IQGAP1: variants seen among roughly 807,000 people sequenced by gnomAD.
IQGAP1 encodes ras GTPase-activating-like protein IQGAP1.
Under a neutral mutation model 215.6 loss-of-function variants are expected in IQGAP1, and 66 were observed. The observed-to-expected ratio is 0.31, with a 90% CI of 0.25 to 0.38. The LOEUF is 0.38. Ranked by LOEUF, IQGAP1 falls within the 10% of genes least tolerant of loss-of-function variation. IQGAP1 has a pLI of 1.00. For missense variants in IQGAP1, 1,712 were observed against 1,997.1 expected, an observed-to-expected ratio of 0.86 and a Z score of 2.72; for synonymous variants, 772 against 728.7, an observed-to-expected ratio of 1.06 and a Z score of -0.96.
At chr15:90,415,174 G>A (rs1405787261) in intron 2 of IQGAP1, among the ~76,000 whole-genome samples, 4 of 152,138 alleles carry the variant, frequency 2.6e-5, no homozygotes, top group South Asian at 2.1e-4. Context: ...TCTTTGGTTA[G>A]TAGTAAGATT....
rs141291694 is a variant in IQGAP1, at chr15:90,486,095, C to T, written c.3987C>T (p.Asp1329=). The part of the protein sequence containing the change: ...EHNDPIHELL[D]DLGEVPTIES... The stretch of plus-strand genomic sequence containing the variant: ...ATGATCCAATCCACGAACTGCTGGA[C>T]GACCTCGGCGAGGTGCCCACCATCG... The change falls in exon 31 of 38, where the codon GAC becomes GAT. Residue 1329 remains aspartate (D), a synonymous_variant. Coordinates refer to ENST00000268182, the MANE Select transcript of IQGAP1 (RefSeq NM_003870.4). 29 of 1,613,712 alleles carry T rather than the reference C, an allele frequency of 1.8e-5. No homozygotes were observed. Among genetic ancestry groups the T allele is most frequent in the South Asian group, 4.4e-5 (4 of 90,984 alleles).
intron 33 of IQGAP1, among the ~76,000 whole-genome samples, chr15:90,489,682 A>G (rs959770582): frequency 2.0e-5 from 3 of 152,214 alleles, no homozygotes; most frequent in African/African-American, 7.2e-5. Context: ...CATTGTTTTC[A>G]ATGAAGTCTC....
intron 3 of IQGAP1, 120 bp from the exon 4 acceptor site, chr15:90,429,469 A>G (rs1232585327): frequency 6.0e-6 from 4 of 665,332 alleles, no homozygotes; most frequent in African/African-American, 5.5e-5. Flanking sequence ...TGTGAGCATA[A>G]TGACATCAAA....
chr15:90,426,979 A>G (rs1400622808), intron 3 of IQGAP1, among the ~76,000 whole-genome samples: 1 of 151,218 alleles, frequency 6.6e-6, no homozygotes, highest in Non-Finnish European at 1.5e-5. Context: ...AAGAAAGCCT[A>G]ATTTTAGGCT....
intron 2 of IQGAP1, chr15:90,393,819 T>A (rs2601194): frequency 0.58 from 88,214 of 151,894 alleles, 27,530 homozygotes; most frequent in East Asian, 0.82. Flanking sequence ...GGTGTTTTTT[T>A]GTTGAGTGCT....
intron 4 of IQGAP1, 73 bp from the exon 5 acceptor site, chr15:90,433,646 T>G: frequency 1.1e-6 from 1 of 914,736 alleles, no homozygotes; most frequent in African/African-American, 1.7e-5. Context: ...TGATTTGGAT[T>G]ATTGATGATT....
chr15:90,403,535 C>T (rs975633667), intron 2 of IQGAP1, among the ~76,000 whole-genome samples: 1 of 152,224 alleles, frequency 6.6e-6, no homozygotes, highest in Non-Finnish European at 1.5e-5. Context: ...AGTCTTCTTT[C>T]TCTAGCTATT....
At position 90,486,903 on chromosome 15, in the gene IQGAP1, A is replaced by G. The variant is rs751882406; in HGVS notation, c.4025-51A>G. The G allele has an allele frequency of 7.6e-5, 119 of 1,563,262 alleles. 3 individuals are homozygous for G. The South Asian group carries it at 1.1e-3, about 14-fold the overall frequency. ...CTTATATTTGTATTATTTCCCCCCA[A>G]TATCTCCTCTCTTTATTACGCTGAC... On this transcript the variant is annotated intron_variant, in intron 31 of 37. Transcript: ENST00000268182.
chr15:90,467,707 T>C, intron 18 of IQGAP1, 115 bp downstream of exon 18: 1 of 1,039,582 alleles, frequency 9.6e-7, no homozygotes, highest in Non-Finnish European at 1.4e-6. Context: ...ATTGAGGTTA[T>C]GTAATGAGCT....
chr15:90,391,165 G>A (rs1964630791), intron 2 of IQGAP1: 1 of 265,206 alleles, frequency 3.8e-6, no homozygotes, highest in African/African-American at 2.2e-5. Context: ...TTGAGTCCGG[G>A]AGGTCGAGGC....
intron 26 of IQGAP1, among the ~76,000 whole-genome samples, chr15:90,480,740 C>T (rs1295754815): frequency 1.3e-5 from 2 of 152,214 alleles, no homozygotes; most frequent in Non-Finnish European, 2.9e-5. Flanking sequence ...GTAATCTCAG[C>T]TCACTGCAAC....
intron 1 of IQGAP1, 29 bp from the exon 2 acceptor site, chr15:90,390,733 CTACAGATCCTGG>C (rs1256135953): frequency 1.5e-6 from 2 of 1,331,234 alleles, no homozygotes; most frequent in Non-Finnish European, 2.2e-6. Context: ...CTCAGGAAGG[CTACAGATCCTGG>C]TGTTTACATT....
At chr15:90,477,488 T>C (rs976147945) in intron 25 of IQGAP1, among the ~76,000 whole-genome samples, 177 bp from the exon 26 acceptor site, 3 of 151,580 alleles carry the variant, frequency 2.0e-5, no homozygotes, top group African/African-American at 7.3e-5. Context: ...CACATTTTTA[T>C]CTAGTAGCGG....
chr15:90,391,067 C>T, intron 2 of IQGAP1, 194 bp downstream of exon 2: 1 of 475,766 alleles, frequency 2.1e-6, no homozygotes, highest in Non-Finnish European at 3.9e-6. Flanking sequence ...GACACCCCAT[C>T]TCTACAAAAA....
At chr15:90,424,375 C>G (rs1965190988) in intron 2 of IQGAP1, among the ~76,000 whole-genome samples, 1 of 152,110 alleles carries the variant, frequency 6.6e-6, no homozygotes, top group South Asian at 2.1e-4. Flanking sequence ...TTTCATTTTT[C>G]CCCTTTCTGA....
chr15:90,395,542 G>A (rs555809875), intron 2 of IQGAP1, among the ~76,000 whole-genome samples: 19 of 152,242 alleles, frequency 1.2e-4, no homozygotes, highest in East Asian at 9.7e-4. Flanking sequence ...GGATAGTCTT[G>A]ATCTCCTGAC....
intron 18 of IQGAP1, 121 bp downstream of exon 18, chr15:90,467,713 G>C (rs750091204): frequency 1.3e-4 from 126 of 997,998 alleles, no homozygotes; most frequent in Non-Finnish European, 1.8e-4. Context: ...GTTATGTAAT[G>C]AGCTGTTTTG....
intron 15 of IQGAP1, among the ~76,000 whole-genome samples, chr15:90,456,924 G>GTA (rs145308728): frequency 2.1e-4 from 27 of 131,494 alleles, no homozygotes; most frequent in South Asian, 7.1e-4. Flanking sequence ...GTGTGTGTGT[G>GTA]TATATATATA....
chr15:90,439,121 T>C (rs1260561221), intron 5 of IQGAP1, among the ~76,000 whole-genome samples: 1 of 151,490 alleles, frequency 6.6e-6, no homozygotes, highest in Non-Finnish European at 1.5e-5. Context: ...CATTGTGTTA[T>C]GTGACTTTTT....
Sources: allele counts gnomAD v4.1 joint callset (sites outside exome capture counted in the v4.1 genomes callset), GRCh38; gene constraint gnomAD v4.1.1; transcripts MANE v1.5; gene names NCBI Gene and HGNC (gene_info 2026-07-23, HGNC 2026-07-21).